CSMD1: variants seen among roughly 807,000 people sequenced by gnomAD.
CSMD1 encodes the protein CUB and Sushi multiple domains 1.
CSMD1 carries 213 observed loss-of-function variants against 417.5 expected under a neutral mutation model. The observed-to-expected ratio is 0.51, with a 90% confidence interval of 0.46 to 0.57. CSMD1 has a LOEUF of 0.57. CSMD1 is among the 20% of genes least tolerant of loss of function. CSMD1 has a pLI of 0.00. For synonymous variants in CSMD1, 2,862 were observed against 1,736.8 expected (o/e 1.65, Z -16.11); for missense variants, 6,923 against 4,529.7 (o/e 1.53, Z -15.17).
chr8:4,201,310 G>A (rs914308698), intron 3 of CSMD1, among the ~76,000 whole-genome samples: 5 of 151,972 alleles, frequency 3.3e-5, no homozygotes, highest in Admixed American at 1.3e-4. Context: ...AGGCCGAGGC[G>A]GGCGGATCAC....
chr8:3,240,824 T>C (rs910213707), intron 26 of CSMD1, among the ~76,000 whole-genome samples: 1 of 152,118 alleles, frequency 6.6e-6, no homozygotes, highest in Non-Finnish European at 1.5e-5. Context: ...TGAACTAACC[T>C]GTAAGGCTTG....
At chr8:3,254,728 C>A (rs758980109) in intron 26 of CSMD1, among the ~76,000 whole-genome samples, 5 of 152,164 alleles carry the variant, frequency 3.3e-5, no homozygotes, top group Non-Finnish European at 5.9e-5. Context: ...CCGTCAGGTC[C>A]TTTAAGGACT....
chr8:3,904,579 A>C (rs572751357), intron 5 of CSMD1, among the ~76,000 whole-genome samples: 1 of 152,144 alleles, frequency 6.6e-6, no homozygotes, highest in East Asian at 1.9e-4. Context: ...GTTGGGAATT[A>C]AATTATCTCA....
At chr8:3,065,343 T>C (rs542983167) in intron 49 of CSMD1, among the ~76,000 whole-genome samples, 240 of 151,726 alleles carry the variant, frequency 1.6e-3, no homozygotes, top group African/African-American at 5.3e-3. Context: ...GATAGAAAGA[T>C]AGATACATAG....
Position 3,189,933 on chromosome 8 carries a change from C to G in CSMD1, c.5377G>C (p.Asp1793His), listed in dbSNP as rs745955541. Residue 1793 changes from aspartate (D) to histidine (H), a missense_variant, in exon 34 of 70, where the codon GAC (aspartate) becomes CAC (histidine). Coordinates refer to ENST00000635120, the MANE Select transcript of CSMD1 (RefSeq NM_033225.6). Reference sequence around the variant, plus strand: ...TCACCCACACAGCTGGGGATCGTGTCGTTCCACTGTGCCAAGGCGTTGGGC... The same window carrying G: ...TCACCCACACAGCTGGGGATCGTGTGGTTCCACTGTGCCAAGGCGTTGGGC... Reference protein sequence around the residue: ...SVPNALAQWNDTIPSCVVPCS... With the variant: ...SVPNALAQWNHTIPSCVVPCS... 4 of 1,586,908 alleles carry G rather than the reference C, an allele frequency of 2.5e-6. No individual in the cohort carries two copies. Among genetic ancestry groups the G allele is most frequent in the Non-Finnish European group, 3.4e-6 (4 of 1,166,942 alleles).
intron 1 of CSMD1, among the ~76,000 whole-genome samples, chr8:4,979,043 T>C (rs1221686270): frequency 1.3e-5 from 2 of 152,204 alleles, no homozygotes; most frequent in Non-Finnish European, 2.9e-5. Context: ...TTTCCTCTCA[T>C]CGTTCTTTTC....
intron 5 of CSMD1, among the ~76,000 whole-genome samples, chr8:3,925,569 T>C (rs1389839076): frequency 6.6e-6 from 1 of 152,240 alleles, no homozygotes; most frequent in Non-Finnish European, 1.5e-5. Context: ...CACGGTGAGG[T>C]AACTGAATCG....
At chr8:4,544,076 G>T (rs895344222) in intron 2 of CSMD1, among the ~76,000 whole-genome samples, 1 of 152,122 alleles carries the variant, frequency 6.6e-6, no homozygotes, top group Non-Finnish European at 1.5e-5. Context: ...TCTGTGGCTT[G>T]CCTTTTATTC....
At position 3,728,145 on chromosome 8, in the gene CSMD1, G is replaced by C. The variant is rs917077758; in HGVS notation, c.932-19654C>G. Among the ~76,000 whole-genome samples, 2 of 152,184 alleles carry C rather than the reference G, an allele frequency of 1.3e-5. 1 individual carries two copies. The highest frequency in any genetic ancestry group is 4.1e-4 in the South Asian group (2 of 4,828). Reference sequence around the variant, plus strand: ...GTGCGATGGGAGGGACCCAGTGGGAGATAAATGAATCATGGGTGCTGTTGC... The same window carrying C: ...GTGCGATGGGAGGGACCCAGTGGGACATAAATGAATCATGGGTGCTGTTGC... On this transcript the variant is annotated intron_variant, in intron 6 of 69. Transcript: ENST00000635120.
At chr8:3,031,798 C>T (rs1810356509) in intron 50 of CSMD1, among the ~76,000 whole-genome samples, 1 of 151,426 alleles carries the variant, frequency 6.6e-6, no homozygotes, top group South Asian at 2.1e-4. Flanking sequence ...TCTCTTTCTT[C>T]ATGAAAATGG....
At chr8:3,304,516 G>A (rs961017173) in intron 25 of CSMD1, among the ~76,000 whole-genome samples, 2 of 152,106 alleles carry the variant, frequency 1.3e-5, no homozygotes, top group Non-Finnish European at 2.9e-5. Flanking sequence ...GGATTAAGTT[G>A]ATTGTCAATT....
intron 25 of CSMD1, among the ~76,000 whole-genome samples, chr8:3,304,525 T>C (rs577207761): frequency 3.9e-5 from 6 of 152,284 alleles, no homozygotes; most frequent in African/African-American, 1.2e-4. Context: ...TGATTGTCAA[T>C]TGAGGAAATT....
At chr8:4,172,237 G>C (rs1194905812) in intron 3 of CSMD1, among the ~76,000 whole-genome samples, 4 of 152,122 alleles carry the variant, frequency 2.6e-5, no homozygotes, top group African/African-American at 7.2e-5. Flanking sequence ...ATAGGGTCAA[G>C]TCTGCACTGA....
chr8:4,201,610 AT>A (rs1799651924), intron 3 of CSMD1, among the ~76,000 whole-genome samples: 1 of 151,518 alleles, frequency 6.6e-6, no homozygotes, highest in Admixed American at 6.6e-5. Flanking sequence ...GTAGAAGAAA[AT>A]TGAAATATAA....
intron 1 of CSMD1, among the ~76,000 whole-genome samples, chr8:4,752,881 C>G (rs751905556): frequency 6.6e-6 from 1 of 152,060 alleles, no homozygotes; most frequent in South Asian, 2.1e-4. Flanking sequence ...GTCTTTTCTC[C>G]CAAAGATCCT....
intron 3 of CSMD1, among the ~76,000 whole-genome samples, chr8:4,328,984 T>C (rs182976916): frequency 2.0e-5 from 3 of 152,348 alleles, no homozygotes; most frequent in African/African-American, 4.8e-5. Flanking sequence ...GTGATATTTA[T>C]TTTTGTGTTT....
At chr8:4,598,529 C>A (rs1284942611) in intron 2 of CSMD1, among the ~76,000 whole-genome samples, 1 of 152,132 alleles carries the variant, frequency 6.6e-6, no homozygotes, top group Non-Finnish European at 1.5e-5. Context: ...TGCTTAGTTA[C>A]AATGTATCTG....
At chr8:3,762,271 A>C (rs548201948) in intron 5 of CSMD1, among the ~76,000 whole-genome samples, 3 of 152,000 alleles carry the variant, frequency 2.0e-5, no homozygotes, top group African/African-American at 7.3e-5. Flanking sequence ...ATCAGCAGAA[A>C]TATCTGCCCT....
intron 5 of CSMD1, among the ~76,000 whole-genome samples, chr8:3,874,708 G>C (rs943615549): frequency 1.3e-4 from 20 of 152,108 alleles, no homozygotes; most frequent in African/African-American, 4.6e-4. Flanking sequence ...TACAACAAAT[G>C]CGACTGGCGC....
Sources: gnomAD v4.1 joint callset for allele counts (sites outside exome capture counted in the v4.1 genomes callset) on GRCh38, gnomAD v4.1.1 for gene constraint, MANE v1.5 for transcripts, NCBI Gene and HGNC (gene_info 2026-07-23, HGNC 2026-07-21) for gene names.